The following PIEZO1 variants were observed in gnomAD, a reference collection of about 807,000 sequenced individuals.
PIEZO1 encodes piezo-type mechanosensitive ion channel component 1.
Under a neutral mutation model 297.2 loss-of-function variants are expected in PIEZO1, and 296 were observed. The observed-to-expected ratio is 1.00, with a 90% CI of 0.91 to 1.10. PIEZO1 has a LOEUF of 1.10. Among genes scored for constraint, PIEZO1 ranks in the 50% least tolerant of loss-of-function variants. PIEZO1 has a pLI of 0.00. For synonymous variants in PIEZO1, 2,427 were observed against 1,507.5 expected (o/e 1.61, Z -14.13); for missense variants, 5,018 against 3,455.5 (o/e 1.45, Z -11.34).
At position 88,722,700 on chromosome 16, in the gene PIEZO1, C is replaced by G; in HGVS notation, c.4669-11G>C. On this transcript the variant is annotated splice_polypyrimidine_tract_variant and intron_variant, in intron 34 of 50. Transcript: ENST00000301015. ...GTGCACTTCGCCGCCCTGCAGGGCA[C>G]AGCAGGGGGCTCAGGGCTGCGTCCA... The G allele has an allele frequency of 1.3e-6, 2 of 1,535,474 alleles. No homozygotes were observed. The highest frequency in any genetic ancestry group is 1.7e-6 in the Non-Finnish European group (2 of 1,145,116).
At chr16:88,749,510 C>G (rs1407849051) in intron 1 of PIEZO1, 31 bp from the exon 2 acceptor site, 1 of 1,485,888 alleles carries the variant, frequency 6.7e-7, no homozygotes, top group Admixed American at 2.0e-5. Context: ...ACTAGGTCGC[C>G]AACAGAGGAT....
intron 1 of PIEZO1, among the ~76,000 whole-genome samples, chr16:88,762,369 T>C (rs1906972175): frequency 6.6e-6 from 1 of 152,190 alleles, no homozygotes; most frequent in Non-Finnish European, 1.5e-5. Context: ...AGGTCAGTGA[T>C]GGGCACTTTC....
chr16:88,784,520 G>C (rs1908086259), intron 1 of PIEZO1, among the ~76,000 whole-genome samples: 1 of 151,996 alleles, frequency 6.6e-6, no homozygotes, highest in African/African-American at 2.4e-5. Context: ...GAGAAAAAGA[G>C]ATTCGTGCTC....
Position 88,716,366 on chromosome 16 carries a change from C to T in PIEZO1, c.7044G>A (p.Gln2348=), listed in dbSNP as rs1293367556. 6.5e-7 allele frequency: 1 copy of T among 1,537,582 alleles called. No homozygotes were observed. The highest frequency in any genetic ancestry group is 1.2e-5 in the South Asian group (1 of 82,318). The change falls in exon 48 of 51, where the codon CAG becomes CAA. Residue 2348 remains glutamine, a synonymous_variant. Transcript: ENST00000301015. ...CACCCGGGCCCTTCACTCACACAGA[C>T]TGGTCCGAGGTGCCCTCGAGCAGGC... is the stretch of plus-strand genomic sequence containing the variant. ...LASLLEGTSD[Q]SVVIPNLFPK... is the part of the protein sequence containing the mutation.
At chr16:88,746,080 G>T (rs1906039379) in intron 2 of PIEZO1, among the ~76,000 whole-genome samples, 3 of 151,508 alleles carry the variant, frequency 2.0e-5, no homozygotes, top group Admixed American at 2.0e-4. Flanking sequence ...CTGATCCATG[G>T]GGTGTGCATG....
rs565391077 is a variant in PIEZO1, at chr16:88,771,504, C to G, written c.64+13397G>C. Among the ~76,000 whole-genome samples the G allele has an allele frequency of 2.6e-4, 39 of 152,340 alleles. No individual in the cohort carries two copies. In the South Asian group the frequency reaches 7.9e-3, roughly 31 times the overall value. ...CTTTCTTGACTGGGGGCTCGGCTCC[C>G]CACGGCTCACGCAGCTGCTGGGCTC... On this transcript the variant is annotated intron_variant, in intron 1 of 50. Transcript: ENST00000301015.
rs994750899 is a variant in PIEZO1, at chr16:88,720,717, C to G, written c.5700G>C (p.Glu1900Asp). Reference sequence around the variant, plus strand: ...TCCCCGTGGGGGCCTCTTTCTCTTCCTCCCCCTCTTCTTCCTCCCTGTCCT... The same window carrying G: ...TCCCCGTGGGGGCCTCTTTCTCTTCGTCCCCCTCTTCTTCCTCCCTGTCCT... ...EAEDREEEEG[E>D]EEKEAPTGRE... Residue 1900 changes from glutamate (E) to aspartate (D), a missense_variant, in exon 40 of 51, where the codon GAG becomes GAC. Coordinates refer to ENST00000301015, the MANE Select transcript of PIEZO1 (RefSeq NM_001142864.4). 1.2e-5 allele frequency: 19 copies of G among 1,529,288 alleles called. No individual in the cohort carries two copies. In the East Asian group the frequency reaches 4.7e-4, roughly 38 times the overall value. 94.7% of individuals were successfully genotyped at this position (1,529,288 alleles called of 1,614,324 possible).
intron 2 of PIEZO1, among the ~76,000 whole-genome samples, chr16:88,744,890 C>T (rs762727862): frequency 5.9e-5 from 9 of 151,906 alleles, no homozygotes; most frequent in Admixed American, 2.0e-4. Context: ...GGGAGGGGGC[C>T]GGAACGTGCA....
chr16:88,783,198 C>T (rs1237107030), intron 1 of PIEZO1, among the ~76,000 whole-genome samples: 1 of 152,138 alleles, frequency 6.6e-6, no homozygotes, highest in African/African-American at 2.4e-5. Flanking sequence ...ACGCGGATAG[C>T]AATCGAGAAG....
At chr16:88,761,437 C>T (rs1469177549) in intron 1 of PIEZO1, among the ~76,000 whole-genome samples, 3 of 152,230 alleles carry the variant, frequency 2.0e-5, no homozygotes, top group African/African-American at 7.2e-5. Flanking sequence ...ATGGTGCTGA[C>T]CAAAGGCCCA....
In PIEZO1 at chr16:88,718,179, C is replaced by T. The variant is rs766927850; in HGVS notation, c.6472-968G>A. On this transcript the variant is annotated intron_variant, in intron 44 of 50. Transcript: ENST00000301015. ...ACGCTCAGCGTCGGTCAACAGGGAACTGAGAAGAGCCCACAGCAAGCCACC... is the reference window on the plus strand; with the variant it reads ...ACGCTCAGCGTCGGTCAACAGGGAATTGAGAAGAGCCCACAGCAAGCCACC... 2.2e-3 allele frequency: 363 copies of T among 168,578 alleles called. 1 individual carries two copies. The highest frequency in any genetic ancestry group is 3.6e-3 in the Non-Finnish European group (286 of 78,760). 10.4% of individuals were successfully genotyped at this position (168,578 alleles called of 1,614,324 possible). A position where few individuals can be genotyped will look rare whatever the true frequency, so the allele number is the denominator to read the frequency against.
rs926295913 is a variant in PIEZO1, at chr16:88,732,705, G to T, written c.2692C>A (p.Pro898Thr). The change falls in exon 20 of 51, where the codon CCC becomes ACC. Residue 898 changes from proline (P) to threonine (T), a missense_variant. Transcript: ENST00000301015. Reference sequence around the variant, plus strand: ...AGCAGGGACTGGCTGATCTCCGTGGGCAGCAAGTTGGTGCTGTTGGGGAAG... The same window carrying T: ...AGCAGGGACTGGCTGATCTCCGTGGTCAGCAAGTTGGTGCTGTTGGGGAAG... Reference protein sequence around the residue: ...EPFPNSTNLLPTEISQSLLYR... With the variant: ...EPFPNSTNLLTTEISQSLLYR... 2 of 1,548,612 alleles carry T rather than the reference G, an allele frequency of 1.3e-6. No homozygotes were observed. The highest frequency in any genetic ancestry group is 1.7e-6 in the Non-Finnish European group (2 of 1,145,986).
intron 1 of PIEZO1, among the ~76,000 whole-genome samples, chr16:88,782,783 C>G (rs74891482): frequency 6.6e-6 from 1 of 152,230 alleles, no homozygotes; most frequent in East Asian, 1.9e-4. Flanking sequence ...CTGCACATCG[C>G]GGGTCCATCT....
intron 1 of PIEZO1, among the ~76,000 whole-genome samples, chr16:88,757,934 C>T (rs948642254): frequency 6.6e-6 from 1 of 152,204 alleles, no homozygotes; most frequent in Admixed American, 6.5e-5. Flanking sequence ...AGACTCCAGC[C>T]AGCCTCAGAA....
intron 44 of PIEZO1, chr16:88,718,658 C>T (rs543023525): frequency 1.3e-5 from 2 of 152,380 alleles, no homozygotes; most frequent in South Asian, 2.1e-4. Context: ...CAAGGGGTTA[C>T]TAGGGGCCAG....
intron 12 of PIEZO1, among the ~76,000 whole-genome samples, chr16:88,735,650 A>G (rs4782412): frequency 0.15 from 23,082 of 152,320 alleles, 2,118 homozygotes; most frequent in African/African-American, 0.25. Flanking sequence ...TCACAAGATG[A>G]GACCCACTGG....
At chr16:88,738,762 G>C in intron 5 of PIEZO1, 26 bp from the exon 6 acceptor site, 1 of 1,518,880 alleles carries the variant, frequency 6.6e-7, no homozygotes, top group Non-Finnish European at 8.8e-7. Context: ...ACAGGGGCAA[G>C]GTCAGGTGTA....
intron 1 of PIEZO1, among the ~76,000 whole-genome samples, chr16:88,754,992 C>T (rs539896166): frequency 1.3e-5 from 2 of 152,374 alleles, no homozygotes; most frequent in East Asian, 1.9e-4. Flanking sequence ...ACACCTGTTG[C>T]GCCCCAGGGA....
chr16:88,737,559 C>A lies in PIEZO1; in HGVS notation c.1195G>T (p.Val399Leu). The A allele has an allele frequency of 6.5e-7, 1 of 1,531,372 alleles. No individual in the cohort carries two copies. 94.9% of individuals were successfully genotyped at this position (1,531,372 alleles called of 1,614,324 possible). A position where few individuals can be genotyped will look rare whatever the true frequency, so the allele number is the denominator to read the frequency against. Residue 399 changes from valine (V) to leucine (L), a missense_variant and splice_region_variant, in exon 10 of 51, where the codon GTG (valine) becomes TTG (leucine). By Grantham distance (32) the Val-to-Leu change is conservative. Coordinates refer to ENST00000301015, the MANE Select transcript of PIEZO1 (RefSeq NM_001142864.4). ...TGQSSVLRRPVRPKRAEPREA... is the reference protein window; with the variant it reads ...TGQSSVLRRPLRPKRAEPREA... Reference sequence around the variant, plus strand: ...ATACCTTGCAGTGTGCGGTACTCACCAGGCCGCCGCAGGACGGAGCTCTGG... The same window carrying A: ...ATACCTTGCAGTGTGCGGTACTCACAAGGCCGCCGCAGGACGGAGCTCTGG...
Sources: gnomAD v4.1 joint callset for allele counts (sites outside exome capture counted in the v4.1 genomes callset) on GRCh38, gnomAD v4.1.1 for gene constraint, MANE v1.5 for transcripts, NCBI Gene and HGNC (gene_info 2026-07-23, HGNC 2026-07-21) for gene names.